The following STIMATE variants were observed in gnomAD, a reference collection of about 807,000 sequenced individuals.
STIMATE encodes the protein STIM activating enhancer.
STIMATE carries 15 observed loss-of-function variants against 36.7 expected under a neutral mutation model. The observed-to-expected ratio is 0.41, with a 90% CI of 0.27 to 0.63. STIMATE has a LOEUF of 0.63. STIMATE is among the 20% of genes least tolerant of loss of function. The probability of loss-of-function intolerance (pLI) is 0.32; values close to 1 mark genes in which losing one functional copy is unlikely to be tolerated. For synonymous variants in STIMATE, 163 were observed against 162.3 expected, an observed-to-expected ratio of 1.00 and a Z score of -0.03; for missense variants, 305 against 397.3, an observed-to-expected ratio of 0.77 and a Z score of 1.98.
intron 4 of STIMATE, among the ~76,000 whole-genome samples, chr3:52,849,358 G>A (rs1249399764): frequency 6.6e-6 from 1 of 152,250 alleles, no homozygotes; most frequent in Non-Finnish European, 1.5e-5. Flanking sequence ...GCAGCAGAAA[G>A]AGGGGCAGGG....
chr3:52,874,520 A>T (rs528639974), intron 1 of STIMATE, among the ~76,000 whole-genome samples: 19 of 152,336 alleles, frequency 1.2e-4, no homozygotes, highest in African/African-American at 4.6e-4. Flanking sequence ...ATGTCTTTTC[A>T]TAATGTTTTA....
Position 52,852,632 on chromosome 3 carries a change from T to G in STIMATE, c.276A>C (p.Ala92=), listed in dbSNP as rs762297093. ...AACAAGGGTCCTCTTCAGTGAGATC[T>G]GCTAGGTATACATTTGCAAAGTGGA... ...LFIHFANVYL[A]DLTEEDPCSL... The change falls in exon 3 of 8, where the codon GCA becomes GCC. Residue 92 remains alanine, a synonymous_variant. Coordinates refer to ENST00000355083, the MANE Select transcript of STIMATE (RefSeq NM_198563.5). 1.2e-6 allele frequency: 2 copies of G among 1,614,202 alleles called. No individual in the cohort carries two copies. Among genetic ancestry groups the G allele is most frequent in the South Asian group, 2.2e-5 (2 of 91,082 alleles).
At position 52,855,451 on chromosome 3, in the gene STIMATE, G is replaced by A; in HGVS notation, c.161-7C>T. The A allele has an allele frequency of 6.2e-7, 1 of 1,613,948 alleles. No homozygotes were observed. The highest frequency in any genetic ancestry group is 8.5e-7 in the Non-Finnish European group (1 of 1,179,976). On this transcript the variant is annotated splice_polypyrimidine_tract_variant and splice_region_variant and intron_variant, in intron 1 of 7. Coordinates refer to ENST00000355083, the MANE Select transcript of STIMATE (RefSeq NM_198563.5). ...GGTTCTCTGAAGCGTTTGACTGAAA[G>A]AAAAGACAGACATCAGTAGTTTTCC...
At chr3:52,879,780 C>G (rs1701571320) in intron 1 of STIMATE, among the ~76,000 whole-genome samples, 1 of 152,196 alleles carries the variant, frequency 6.6e-6, no homozygotes, top group African/African-American at 2.4e-5. Context: ...CTTGTCCTAT[C>G]ATGCAGAGTG....
At chr3:52,841,292 T>C (rs115170464) in intron 7 of STIMATE, among the ~76,000 whole-genome samples, 209 of 152,332 alleles carry the variant, frequency 1.4e-3, no homozygotes, top group Non-Finnish European at 2.8e-3. Flanking sequence ...CCTTAAATAC[T>C]GCAGAGGCAG....
chr3:52,886,277 C>G (rs1701685587), intron 1 of STIMATE, among the ~76,000 whole-genome samples: 1 of 152,150 alleles, frequency 6.6e-6, no homozygotes, highest in Non-Finnish European at 1.5e-5. Flanking sequence ...TCAAGCAGCA[C>G]ATGTGTATGC....
At chr3:52,880,733 A>G (rs1436501480) in intron 1 of STIMATE, among the ~76,000 whole-genome samples, 5 of 152,214 alleles carry the variant, frequency 3.3e-5, no homozygotes, top group African/African-American at 1.2e-4. Context: ...AATGTGTAGA[A>G]AGTCACTATG....
At chr3:52,864,728 C>A (rs1701273820) in intron 1 of STIMATE, among the ~76,000 whole-genome samples, 1 of 152,178 alleles carries the variant, frequency 6.6e-6, no homozygotes, top group Non-Finnish European at 1.5e-5. Context: ...TTAGAAATTT[C>A]TTCCTCCAGA....
chr3:52,883,782 C>A (rs893302036), intron 1 of STIMATE, among the ~76,000 whole-genome samples: 1 of 151,996 alleles, frequency 6.6e-6, no homozygotes, highest in Admixed American at 6.6e-5. Flanking sequence ...ATTTGCTTTG[C>A]TTTTCTATTT....
chr3:52,886,785 GA>G (rs557690709), intron 1 of STIMATE, among the ~76,000 whole-genome samples: 94 of 152,242 alleles, frequency 6.2e-4, no homozygotes, highest in Non-Finnish European at 1.3e-3. Flanking sequence ...AGTTATCAAT[GA>G]AACCTTCACC....
intron 1 of STIMATE, among the ~76,000 whole-genome samples, chr3:52,888,386 G>A (rs983185208): frequency 6.6e-6 from 1 of 152,184 alleles, no homozygotes; most frequent in African/African-American, 2.4e-5. Flanking sequence ...CATAAACTGA[G>A]TGCAGAGAGC....
chr3:52,860,814 C>T (rs963399749), intron 1 of STIMATE, among the ~76,000 whole-genome samples: 14 of 152,164 alleles, frequency 9.2e-5, no homozygotes, highest in African/African-American at 1.9e-4. Flanking sequence ...GGGGCTGACT[C>T]GGGAGGTGGG....
rs147463786 is a variant in STIMATE, at chr3:52,872,868, C to T, written c.161-17424G>A. ...CTCAAACTCCTGACCTCCAGTGATC[C>T]ACCCACCTTGGCCTCCCAAAGTGTT... On this transcript the variant is annotated intron_variant, in intron 1 of 7. Transcript: ENST00000355083. Among the ~76,000 whole-genome samples the T allele has an allele frequency of 8.0e-3, 1,223 of 152,346 alleles. 4 individuals are homozygous for T. Among genetic ancestry groups the T allele is most frequent in the Middle Eastern group, 0.014 (4 of 294 alleles).
chr3:52,846,951 T>C (rs1376040128), intron 4 of STIMATE, among the ~76,000 whole-genome samples: 2 of 152,170 alleles, frequency 1.3e-5, no homozygotes, highest in East Asian at 3.9e-4. Context: ...TCATTCAGAC[T>C]AGAGTGCAGG....
At chr3:52,895,733 A>T in intron 1 of STIMATE, 1 of 418,312 alleles carries the variant, frequency 2.4e-6, no homozygotes, top group Non-Finnish European at 4.2e-6. Context: ...CATCAGCATC[A>T]ATCAAACCTA....
At chr3:52,847,577 A>G (rs1409118792) in intron 4 of STIMATE, 1 of 1,286,286 alleles carries the variant, frequency 7.8e-7, no homozygotes, top group South Asian at 1.2e-5. Flanking sequence ...ACATCCTAGA[A>G]AAATAAGCCC....
intron 1 of STIMATE, among the ~76,000 whole-genome samples, chr3:52,889,335 C>T (rs561731675): frequency 2.0e-5 from 3 of 152,336 alleles, no homozygotes; most frequent in East Asian, 3.9e-4. Flanking sequence ...CCTAAGCTGG[C>T]GATCTGTGCC....
chr3:52,845,834 T>A (rs1323444425), intron 4 of STIMATE, among the ~76,000 whole-genome samples: 1 of 142,580 alleles, frequency 7.0e-6, no homozygotes, highest in East Asian at 2.1e-4. Flanking sequence ...CAGGGGAGAG[T>A]GGGATGTGGG....
intron 2 of STIMATE, among the ~76,000 whole-genome samples, chr3:52,854,988 AGAG>A (rs1396000256): frequency 1.3e-5 from 2 of 152,208 alleles, no homozygotes; most frequent in Admixed American, 1.3e-4. Flanking sequence ...TCGTTTGGAG[AGAG>A]GAGCGTTTAT....
Sources: allele counts gnomAD v4.1 joint callset (sites outside exome capture counted in the v4.1 genomes callset), GRCh38; gene constraint gnomAD v4.1.1; transcripts MANE v1.5; gene names NCBI Gene and HGNC (gene_info 2026-07-23, HGNC 2026-07-21).